Variants in SLC35F1 observed in about 807,000 individuals in gnomAD.
The protein encoded by SLC35F1 is chromosome 6 open reading frame 169.
Under a neutral mutation model 48.7 loss-of-function variants are expected in SLC35F1, and 14 were observed. The observed-to-expected ratio is 0.29, with a 90% confidence interval of 0.19 to 0.45. SLC35F1 has a LOEUF of 0.45. Among genes scored for constraint, SLC35F1 ranks in the 20% least tolerant of loss-of-function variants. SLC35F1 has a pLI of 1.00. For synonymous variants in SLC35F1, 190 were observed against 202.2 expected, an observed-to-expected ratio of 0.94 and a Z score of 0.51; for missense variants, 404 against 500.0, an observed-to-expected ratio of 0.81 and a Z score of 1.83.
chr6:117,973,133 C>A (rs556276223), intron 1 of SLC35F1, among the ~76,000 whole-genome samples: 2 of 152,262 alleles, frequency 1.3e-5, no homozygotes, highest in South Asian at 4.1e-4. Flanking sequence ...GGTTTGGTAT[C>A]TTCCAAAGCC....
chr6:118,255,453 C>T (rs1238662310), intron 3 of SLC35F1, among the ~76,000 whole-genome samples: 1 of 152,186 alleles, frequency 6.6e-6, no homozygotes, highest in Non-Finnish European at 1.5e-5. Flanking sequence ...ATCTTGCCCC[C>T]AGGACAGCTC....
chr6:117,953,399 GAC>G (rs1313039086), intron 1 of SLC35F1, among the ~76,000 whole-genome samples: 1 of 151,238 alleles, frequency 6.6e-6, no homozygotes, highest in Non-Finnish European at 1.5e-5. Context: ...CATATATATC[GAC>G]ATGTATTTAT....
At chr6:118,290,774 A>C (rs1258866140) in intron 7 of SLC35F1, among the ~76,000 whole-genome samples, 1 of 148,462 alleles carries the variant, frequency 6.7e-6, no homozygotes, top group Admixed American at 6.7e-5. Context: ...CCACAGCCAG[A>C]TGGGCTATCT....
chr6:118,238,168 A>G lies in SLC35F1; in HGVS notation c.477+2532A>G, dbSNP rs540554008. Among the ~76,000 whole-genome samples the G allele has an allele frequency of 3.9e-5, 6 of 152,226 alleles. No individual in the cohort carries two copies. In the South Asian group the frequency reaches 1.0e-3, roughly 26 times the overall value. On this transcript the variant is annotated intron_variant, in intron 3 of 7. Coordinates refer to ENST00000360388, the MANE Select transcript of SLC35F1 (RefSeq NM_001029858.4). ...TTAATACCCTGCTCAAGGTGTTTCT[A>G]TTACTTGGAATATCCTTTTCGTCTC... is the stretch of plus-strand genomic sequence containing the variant.
chr6:118,276,672 T>C (rs1775921826), intron 5 of SLC35F1, among the ~76,000 whole-genome samples: 1 of 152,220 alleles, frequency 6.6e-6, no homozygotes, highest in Non-Finnish European at 1.5e-5. Flanking sequence ...CAACTATTCA[T>C]AGCCAACATT....
chr6:118,305,381 A>C (rs1254868434), intron 7 of SLC35F1, among the ~76,000 whole-genome samples: 1 of 152,122 alleles, frequency 6.6e-6, no homozygotes, highest in Non-Finnish European at 1.5e-5. Flanking sequence ...ATACCTTCAC[A>C]GAAACATCTG....
chr6:118,129,420 G>A (rs982403063), intron 1 of SLC35F1, among the ~76,000 whole-genome samples: 1 of 152,180 alleles, frequency 6.6e-6, no homozygotes, highest in Non-Finnish European at 1.5e-5. Flanking sequence ...AAGTTGCAGT[G>A]TCAAGGGCTT....
At chr6:117,923,528 CAT>C (rs1775930920) in intron 1 of SLC35F1, among the ~76,000 whole-genome samples, 1 of 137,520 alleles carries the variant, frequency 7.3e-6, no homozygotes, top group Non-Finnish European at 1.6e-5. Context: ...TGTATATACA[CAT>C]ATATGGAATA....
intron 1 of SLC35F1, among the ~76,000 whole-genome samples, chr6:118,069,231 ATTG>A (rs1286429459): frequency 6.6e-6 from 1 of 152,216 alleles, no homozygotes; most frequent in East Asian, 1.9e-4. Flanking sequence ...ATCCCAATCA[ATTG>A]TCAAATTGTT....
At chr6:118,218,904 T>A (rs1775108596) in intron 2 of SLC35F1, among the ~76,000 whole-genome samples, 1 of 152,234 alleles carries the variant, frequency 6.6e-6, no homozygotes, top group Non-Finnish European at 1.5e-5. Context: ...GTGGTTTAAT[T>A]TCTATCTGTG....
At chr6:118,160,677 T>C (rs552266331) in intron 2 of SLC35F1, among the ~76,000 whole-genome samples, 2 of 152,306 alleles carry the variant, frequency 1.3e-5, no homozygotes, top group South Asian at 4.1e-4. Flanking sequence ...GTTAGTTAGG[T>C]ATTCAAGCAC....
At chr6:118,307,614 T>C (rs1470378792) in intron 7 of SLC35F1, among the ~76,000 whole-genome samples, 1 of 152,236 alleles carries the variant, frequency 6.6e-6, no homozygotes, top group African/African-American at 2.4e-5. Flanking sequence ...TTTTGCATTT[T>C]TAATGCACTT....
intron 1 of SLC35F1, among the ~76,000 whole-genome samples, chr6:117,936,480 C>T (rs1317149803): frequency 5.9e-5 from 9 of 152,204 alleles, no homozygotes; most frequent in Non-Finnish European, 1.3e-4. Context: ...GAGTTGCTCT[C>T]ATCTTTGCAA....
At chr6:118,009,238 A>G (rs1387757551) in intron 1 of SLC35F1, among the ~76,000 whole-genome samples, 1 of 152,166 alleles carries the variant, frequency 6.6e-6, no homozygotes, top group African/African-American at 2.4e-5. Flanking sequence ...TCATGGATAG[A>G]GGATAAAGGG....
intron 7 of SLC35F1, among the ~76,000 whole-genome samples, chr6:118,306,996 T>C (rs921923343): frequency 6.6e-6 from 1 of 152,226 alleles, no homozygotes; most frequent in African/African-American, 2.4e-5. Context: ...ACAGAAGGCC[T>C]CATAAACCAA....
rs180799222 is a variant in SLC35F1 at position 117,994,812 on chromosome 6, A to G, written c.173+86913A>G. On this transcript the variant is annotated intron_variant, in intron 1 of 7. Transcript: ENST00000360388. ...GGATCCCCAAAAAGCTATGACAGATAAGTACATATATATATATCTTATTGA... is the reference window on the plus strand; with the variant it reads ...GGATCCCCAAAAAGCTATGACAGATGAGTACATATATATATATCTTATTGA... 5.9e-5 allele frequency among the ~76,000 whole-genome samples: 9 copies of G among 152,356 alleles called. No individual in the cohort carries two copies. The East Asian group carries it at 1.7e-3, about 29-fold the overall frequency.
At chr6:118,014,821 T>G (rs1037801250) in intron 1 of SLC35F1, among the ~76,000 whole-genome samples, 56 of 152,176 alleles carry the variant, frequency 3.7e-4, no homozygotes, top group Non-Finnish European at 1.0e-4. Context: ...CCGGAGGACA[T>G]CCTCAGTGCA....
chr6:118,105,691 A>G (rs1773317426), intron 1 of SLC35F1, among the ~76,000 whole-genome samples: 1 of 151,934 alleles, frequency 6.6e-6, no homozygotes, highest in African/African-American at 2.4e-5. Flanking sequence ...TTTTCATCAC[A>G]CTCTTCAGAT....
intron 1 of SLC35F1, among the ~76,000 whole-genome samples, chr6:118,015,358 A>T (rs1777306612): frequency 6.6e-6 from 1 of 151,944 alleles, no homozygotes; most frequent in South Asian, 2.1e-4. Context: ...AACTTGTGTC[A>T]TGAGGGTTTG....
Sources: gnomAD v4.1 joint callset for allele counts (sites outside exome capture counted in the v4.1 genomes callset) on GRCh38, gnomAD v4.1.1 for gene constraint, MANE v1.5 for transcripts, NCBI Gene and HGNC (gene_info 2026-07-23, HGNC 2026-07-21) for gene names.